Variants in RAD54L2 observed in about 807,000 individuals in gnomAD.
RAD54L2 encodes RAD54 like 2.
RAD54L2 carries 27 observed loss-of-function variants against 138.4 expected under a neutral mutation model. The observed-to-expected ratio is 0.20, with a 90% CI of 0.14 to 0.27. The LOEUF (loss-of-function observed/expected upper bound fraction) is 0.27, where lower values mean the gene tolerates loss of function less well. Ranked by LOEUF, RAD54L2 falls within the 10% of genes least tolerant of loss-of-function variation. The probability of loss-of-function intolerance (pLI) is 1.00; values close to 1 mark genes in which losing one functional copy is unlikely to be tolerated. For synonymous variants in RAD54L2, 644 were observed against 723.2 expected, an observed-to-expected ratio of 0.89 and a Z score of 1.76; for missense variants, 1,396 against 1,890.2, an observed-to-expected ratio of 0.74 and a Z score of 4.85.
intron 2 of RAD54L2, among the ~76,000 whole-genome samples, chr3:51,556,176 C>G (rs1698959198): frequency 6.6e-6 from 1 of 152,172 alleles, no homozygotes; most frequent in African/African-American, 2.4e-5. Flanking sequence ...CTCTGTGCCT[C>G]TCATGGTAGC....
chr3:51,582,917 C>T (rs1191225520), intron 2 of RAD54L2, among the ~76,000 whole-genome samples: 1 of 152,096 alleles, frequency 6.6e-6, no homozygotes, highest in African/African-American at 2.4e-5. Flanking sequence ...AGGCGCCCGC[C>T]ACCGCGCCCG....
chr3:51,629,656 C>T (rs1015891141), intron 5 of RAD54L2, among the ~76,000 whole-genome samples, 183 bp downstream of exon 5: 5 of 151,416 alleles, frequency 3.3e-5, no homozygotes, highest in African/African-American at 1.2e-4. Context: ...TTCAGGAGTT[C>T]GAGACCAGTC....
At chr3:51,646,739 C>T (rs775283971) in intron 19 of RAD54L2, among the ~76,000 whole-genome samples, 8 of 152,070 alleles carry the variant, frequency 5.3e-5, no homozygotes, top group South Asian at 2.1e-4. Context: ...GGGTAGGAGA[C>T]GGGGATAAAG....
At chr3:51,583,332 GA>G (rs1455752193) in intron 2 of RAD54L2, among the ~76,000 whole-genome samples, 1 of 152,126 alleles carries the variant, frequency 6.6e-6, no homozygotes. Context: ...AATGTAGTTG[GA>G]AAAGGAAGGC....
chr3:51,657,796 G>A (rs888614953), intron 21 of RAD54L2, 127 bp downstream of exon 21: 13 of 665,266 alleles, frequency 2.0e-5, no homozygotes, highest in East Asian at 5.8e-5. Context: ...GTCACATTCC[G>A]GAACTGAATG....
chr3:51,544,748 A>T (rs781931605), intron 2 of RAD54L2, among the ~76,000 whole-genome samples: 1 of 152,176 alleles, frequency 6.6e-6, no homozygotes, highest in Non-Finnish European at 1.5e-5. Flanking sequence ...CTGGGACTAT[A>T]GGTGCGCCAC....
intron 3 of RAD54L2, among the ~76,000 whole-genome samples, chr3:51,624,499 A>G (rs1047246389): frequency 4.6e-5 from 7 of 152,098 alleles, no homozygotes; most frequent in Admixed American, 2.0e-4. Flanking sequence ...GGCTCAAGCA[A>G]TTCCCTGACC....
chr3:51,569,182 C>A (rs1699281338), intron 2 of RAD54L2, among the ~76,000 whole-genome samples: 1 of 152,140 alleles, frequency 6.6e-6, no homozygotes, highest in African/African-American at 2.4e-5. Flanking sequence ...GAGGTCTTAT[C>A]TCTAGTGCCA....
intron 2 of RAD54L2, among the ~76,000 whole-genome samples, chr3:51,546,869 AAAT>A (rs1472913980): frequency 6.6e-6 from 1 of 151,634 alleles, no homozygotes; most frequent in East Asian, 1.9e-4. Flanking sequence ...TCTCTACTAA[AAAT>A]ACAAAAATTA....
At chr3:51,647,864 G>C (rs1701325883) in intron 19 of RAD54L2, among the ~76,000 whole-genome samples, 1 of 152,098 alleles carries the variant, frequency 6.6e-6, no homozygotes, top group African/African-American at 2.4e-5. Context: ...ACAAGCTGCA[G>C]CTCCCACTGT....
intron 2 of RAD54L2, among the ~76,000 whole-genome samples, chr3:51,573,396 G>T (rs1476493360): frequency 6.6e-6 from 1 of 151,842 alleles, no homozygotes; most frequent in Non-Finnish European, 1.5e-5. Flanking sequence ...TTACTAATTT[G>T]TTATTAACTA....
intron 2 of RAD54L2, among the ~76,000 whole-genome samples, chr3:51,555,898 C>T (rs533362164): frequency 1.3e-5 from 2 of 152,272 alleles, no homozygotes; most frequent in East Asian, 3.9e-4. Context: ...TCAGAGCCTC[C>T]TCCCTTAACT....
At chr3:51,573,461 T>TC (rs1448609657) in intron 2 of RAD54L2, among the ~76,000 whole-genome samples, 4 of 152,074 alleles carry the variant, frequency 2.6e-5, no homozygotes, top group Admixed American at 2.0e-4. Context: ...TTTTTTTTTT[T>TC]GAGATGGAGT....
Position 51,590,468 on chromosome 3 carries a change from C to G in RAD54L2, c.48C>G (p.Asp16Glu). The change falls in exon 3 of 23, where the codon GAC becomes GAG. Residue 16 changes from aspartate to glutamate, a missense_variant. This residue lies in a region of RAD54L2 where 256 missense variants were observed against 344.6 expected (regional missense o/e 0.74). Transcript: ENST00000684192. ...ASGSDPDLDP[D>E]VELEDAEEEE... ...GGAGCGATCCAGACCTGGACCCGGA[C>G]GTGGAGCTGGAGGATGCGGAAGAGG... The G allele has an allele frequency of 1.3e-6, 2 of 1,551,466 alleles. No homozygotes were observed. The highest frequency in any genetic ancestry group is 2.4e-5 in the East Asian group (1 of 40,928).
At chr3:51,643,143 C>G (rs1292873835) in intron 15 of RAD54L2, among the ~76,000 whole-genome samples, 1 of 145,168 alleles carries the variant, frequency 6.9e-6, no homozygotes. Context: ...TCAAGTGATT[C>G]TCCTGCCTCA....
chr3:51,663,718 T>A lies in RAD54L2; in HGVS notation c.*298T>A. ...TCCTGCCTTGCTTATGCTGTCTGCT[T>A]GCTTGCTCGCCCATCTGAGTGTAGA... On this transcript the variant is annotated 3_prime_UTR_variant, in exon 23 of 23. Coordinates refer to ENST00000684192, the MANE Select transcript of RAD54L2 (RefSeq NM_015106.4). 1 of 349,448 alleles carries A rather than the reference T, an allele frequency of 2.9e-6. No individual in the cohort carries two copies. Among genetic ancestry groups the A allele is most frequent in the Non-Finnish European group, 5.2e-6 (1 of 191,392 alleles). The allele number at this position is 349,448 out of a possible 1,614,324, so 21.6% of individuals were successfully genotyped here. A position where few individuals can be genotyped will look rare whatever the true frequency, so the allele number is the denominator to read the frequency against.
chr3:51,607,892 C>T (rs1310232471), intron 3 of RAD54L2, among the ~76,000 whole-genome samples: 1 of 148,218 alleles, frequency 6.7e-6, no homozygotes, highest in African/African-American at 2.5e-5. Flanking sequence ...GGGGGCTGCC[C>T]CCCACCTCCC....
Position 51,641,495 on chromosome 3 carries a change from T to G in RAD54L2, c.2232-254T>G, listed in dbSNP as rs112383182. On this transcript the variant is annotated intron_variant, in intron 14 of 22. Transcript: ENST00000684192. ...CCACACCCAGCTAATTTTTGTATTT[T>G]TAGTACAGACGGGGTTTTGCCATGT... is the stretch of plus-strand genomic sequence containing the variant. Among the ~76,000 whole-genome samples the G allele has an allele frequency of 6.2e-3, 939 of 151,884 alleles. 7 individuals carry two copies. The highest frequency in any genetic ancestry group is 0.021 in the African/African-American group (884 of 41,424).
chr3:51,595,067 T>C (rs1458801122), intron 3 of RAD54L2, among the ~76,000 whole-genome samples: 1 of 151,860 alleles, frequency 6.6e-6, no homozygotes, highest in African/African-American at 2.4e-5. Flanking sequence ...AGTTTTACCA[T>C]GTTGGCCAGG....
Sources: gnomAD v4.1 joint callset for allele counts (sites outside exome capture counted in the v4.1 genomes callset) on GRCh38, gnomAD v4.1.1 for gene constraint, gnomAD v4.1.1 regional missense constraint, MANE v1.5 for transcripts, NCBI Gene and HGNC (gene_info 2026-07-23, HGNC 2026-07-21) for gene names.